The following NRG3 variants were observed in gnomAD, a reference collection of about 807,000 sequenced individuals.
NRG3 encodes the protein neuregulin 3.
A neutral mutation model predicts 66.9 loss-of-function variants in NRG3; 31 were observed. That is an observed-to-expected ratio of 0.46 (90% CI 0.35 to 0.63). The LOEUF is 0.63. NRG3 is among the 20% of genes least tolerant of loss of function. The pLI is 0.00. For missense variants in NRG3, 910 were observed against 878.9 expected, an observed-to-expected ratio of 1.04 and a Z score of -0.45; for synonymous variants, 393 against 359.4, an observed-to-expected ratio of 1.09 and a Z score of -1.06.
At chr10:82,080,064 C>T (rs935961399) in intron 1 of NRG3, among the ~76,000 whole-genome samples, 1 of 152,148 alleles carries the variant, frequency 6.6e-6, no homozygotes, top group South Asian at 2.1e-4. Flanking sequence ...ACCGGGAGGT[C>T]TGCAAGGCAA....
At chr10:82,957,664 C>A (rs1196268143) in intron 5 of NRG3, among the ~76,000 whole-genome samples, 2 of 151,712 alleles carry the variant, frequency 1.3e-5, no homozygotes, top group Non-Finnish European at 2.9e-5. Flanking sequence ...GGACATATGC[C>A]CAGCAACTTC....
At chr10:82,496,874 G>T (rs2132303235) in intron 2 of NRG3, among the ~76,000 whole-genome samples, 1 of 152,236 alleles carries the variant, frequency 6.6e-6, no homozygotes, top group Admixed American at 6.5e-5. Context: ...CTTTTAAAAA[G>T]TGTTTTTAAT....
chr10:82,143,218 G>T (rs1279973099), intron 1 of NRG3, among the ~76,000 whole-genome samples: 1 of 152,114 alleles, frequency 6.6e-6, no homozygotes, highest in African/African-American at 2.4e-5. Flanking sequence ...ACAGTTTCTG[G>T]CATCAAAGCC....
chr10:82,418,599 TTTTA>T (rs1447830916), intron 2 of NRG3, among the ~76,000 whole-genome samples: 7 of 152,056 alleles, frequency 4.6e-5, no homozygotes, highest in African/African-American at 1.4e-4. Flanking sequence ...GTGTAAAGAC[TTTTA>T]TTTATTTATT....
At chr10:82,564,053 A>AT (rs144334174) in intron 2 of NRG3, among the ~76,000 whole-genome samples, 5,139 of 152,146 alleles carry the variant, frequency 0.034, 167 homozygotes, top group African/African-American at 0.088. Flanking sequence ...ATAAGGGGTC[A>AT]TTTTTTGAGA....
At chr10:82,175,717 T>A (rs2072979839) in intron 1 of NRG3, among the ~76,000 whole-genome samples, 1 of 152,180 alleles carries the variant, frequency 6.6e-6, no homozygotes, top group African/African-American at 2.4e-5. Context: ...AGAGAATAGA[T>A]CCTATATCTT....
chr10:82,931,711 C>T (rs533060447), intron 4 of NRG3, among the ~76,000 whole-genome samples: 54 of 152,130 alleles, frequency 3.5e-4, no homozygotes, highest in African/African-American at 1.3e-3. Flanking sequence ...TAATAAAACA[C>T]TTTCTGTGTT....
intron 2 of NRG3, among the ~76,000 whole-genome samples, chr10:82,501,002 G>A (rs1372724719): frequency 1.3e-5 from 2 of 152,044 alleles, no homozygotes; most frequent in African/African-American, 2.4e-5. Flanking sequence ...AAAAGAATAT[G>A]CTGAACTTTG....
chr10:81,983,067 G>C (rs992881401), intron 1 of NRG3, among the ~76,000 whole-genome samples: 1 of 152,142 alleles, frequency 6.6e-6, no homozygotes, highest in Non-Finnish European at 1.5e-5. Context: ...TCCATGGTTA[G>C]GTGGAGATGC....
In NRG3 at chr10:82,643,619, T is replaced by C. The variant is rs544857250; in HGVS notation, c.954-94958T>C. 4.5e-4 allele frequency among the ~76,000 whole-genome samples: 68 copies of C among 152,190 alleles called. 1 individual carries two copies. The South Asian group carries it at 0.01, about 23-fold the overall frequency. On this transcript the variant is annotated intron_variant, in intron 2 of 8. Transcript: ENST00000372141. ...CTGTGAGGCCTTGAAAGAAACTTGA[T>C]CTAGAATTTTTGTATTCCAATTTTA...
intron 1 of NRG3, among the ~76,000 whole-genome samples, chr10:82,037,503 A>T (rs2062838959): frequency 6.6e-6 from 1 of 152,102 alleles, no homozygotes; most frequent in African/African-American, 2.4e-5. Flanking sequence ...GTAGGAAGAA[A>T]ATTCTCTCCT....
intron 1 of NRG3, among the ~76,000 whole-genome samples, chr10:82,105,079 A>G (rs770219788): frequency 1.4e-4 from 22 of 152,298 alleles, no homozygotes; most frequent in Admixed American, 4.6e-4. Context: ...GGAATATACA[A>G]TATTTTCTGA....
At chr10:82,771,025 A>G (rs1167781750) in intron 3 of NRG3, among the ~76,000 whole-genome samples, 1 of 152,162 alleles carries the variant, frequency 6.6e-6, no homozygotes, top group Non-Finnish European at 1.5e-5. Flanking sequence ...AAGCTTTTTG[A>G]ATTAATGATC....
chr10:82,425,179 G>T (rs2089342427), intron 2 of NRG3, among the ~76,000 whole-genome samples: 1 of 152,016 alleles, frequency 6.6e-6, no homozygotes, highest in African/African-American at 2.4e-5. Flanking sequence ...TTGGCAAAAA[G>T]GCCAGCTGGG....
intron 1 of NRG3, among the ~76,000 whole-genome samples, chr10:81,886,020 T>C (rs1842586405): frequency 6.6e-6 from 1 of 152,016 alleles, no homozygotes; most frequent in Non-Finnish European, 1.5e-5. Flanking sequence ...ATTTCGGGTG[T>C]GGGGGAGGTA....
At chr10:81,944,360 G>C (rs997809257) in intron 1 of NRG3, among the ~76,000 whole-genome samples, 1 of 152,182 alleles carries the variant, frequency 6.6e-6, no homozygotes, top group Non-Finnish European at 1.5e-5. Flanking sequence ...AGCTACAAGA[G>C]AGTTTTAAAA....
chr10:82,830,130 A>G (rs1008145143), intron 3 of NRG3, among the ~76,000 whole-genome samples: 2 of 152,248 alleles, frequency 1.3e-5, no homozygotes, highest in African/African-American at 4.8e-5. Flanking sequence ...GATGAGACTG[A>G]AACTAGAACT....
chr10:82,753,112 A>G (rs1378887646), intron 3 of NRG3, among the ~76,000 whole-genome samples: 1 of 152,166 alleles, frequency 6.6e-6, no homozygotes, highest in Non-Finnish European at 1.5e-5. Context: ...CCAATTTAAA[A>G]TCTTAAATCC....
At chr10:81,889,062 C>T (rs1281180222) in intron 1 of NRG3, 3 of 152,062 alleles carry the variant, frequency 2.0e-5, no homozygotes, top group Non-Finnish European at 4.4e-5. Context: ...ATCAACAAAG[C>T]CCTAGATTTA....
Sources: allele counts gnomAD v4.1 joint callset (sites outside exome capture counted in the v4.1 genomes callset), GRCh38; gene constraint gnomAD v4.1.1; transcripts MANE v1.5; gene names NCBI Gene and HGNC (gene_info 2026-07-23, HGNC 2026-07-21).